MAF: variants seen among roughly 807,000 people sequenced by gnomAD.
MAF encodes MAF bZIP transcription factor.
MAF carries 10 observed loss-of-function variants against 22.0 expected under a neutral mutation model. That is an observed-to-expected ratio of 0.45 (90% CI 0.28 to 0.77). The LOEUF is 0.77. Ranked by LOEUF, MAF falls within the 30% of genes least tolerant of loss-of-function variation. The probability of loss-of-function intolerance (pLI) is 0.12; values close to 1 mark genes in which losing one functional copy is unlikely to be tolerated. For missense variants in MAF, 544 were observed against 548.4 expected, an observed-to-expected ratio of 0.99 and a Z score of 0.08; for synonymous variants, 337 against 255.8, an observed-to-expected ratio of 1.32 and a Z score of -3.03.
chr16:79,496,814 T>C, the MAF span, among the ~76,000 whole-genome samples: 4 of 152,188 alleles, frequency 2.6e-5, no homozygotes, highest in African/African-American at 9.7e-5. Context: ...TGCAAATTCA[T>C]CTCTATAACA....
the MAF span, among the ~76,000 whole-genome samples, chr16:79,291,156 C>T: frequency 1.3e-5 from 2 of 152,126 alleles, no homozygotes; most frequent in Non-Finnish European, 2.9e-5. Context: ...GAAATGGGGC[C>T]GTCGTCTGCT....
chr16:79,361,406 C>A, the MAF span, among the ~76,000 whole-genome samples: 5 of 152,196 alleles, frequency 3.3e-5, no homozygotes, highest in Non-Finnish European at 5.9e-5. Context: ...AATAATGTAT[C>A]ATTTCCTTAT....
At chr16:79,207,908 A>G in the MAF span, among the ~76,000 whole-genome samples, 3 of 152,202 alleles carry the variant, frequency 2.0e-5, no homozygotes, top group Admixed American at 1.3e-4. Context: ...CAGTTATCAA[A>G]TGAATGTTGA....
At chr16:79,442,724 T>A in the MAF span, among the ~76,000 whole-genome samples, 2 of 152,192 alleles carry the variant, frequency 1.3e-5, no homozygotes, top group Admixed American at 1.3e-4. Flanking sequence ...ATCTTTTTCA[T>A]ATAAGAAATT....
chr16:79,263,658 C>G, the MAF span, among the ~76,000 whole-genome samples: 1 of 152,186 alleles, frequency 6.6e-6, no homozygotes, highest in South Asian at 2.1e-4. Flanking sequence ...GGTTTTTAAA[C>G]CTGTCATTCT....
At chr16:79,265,426 C>T in the MAF span, among the ~76,000 whole-genome samples, 4 of 152,066 alleles carry the variant, frequency 2.6e-5, no homozygotes, top group East Asian at 1.9e-4. Context: ...GCCAGGGTCC[C>T]GAATAAGTGA....
the MAF span, among the ~76,000 whole-genome samples, chr16:79,222,426 C>A: frequency 6.6e-6 from 1 of 152,074 alleles, no homozygotes; most frequent in Non-Finnish European, 1.5e-5. Context: ...GAAACTGCAT[C>A]AACTAATGGG....
chr16:79,595,473 T>C, intron 1 of MAF: 1 of 1,058,898 alleles, frequency 9.4e-7, no homozygotes, highest in Non-Finnish European at 1.1e-6. Flanking sequence ...GGCTGTATTT[T>C]CAAAACAGTG....
chr16:79,426,083 G>GT, the MAF span, among the ~76,000 whole-genome samples: 3 of 152,138 alleles, frequency 2.0e-5, no homozygotes, highest in Non-Finnish European at 2.9e-5. Flanking sequence ...GCACATGCCT[G>GT]TAGTCCCAGC....
chr16:79,448,694 G>T, the MAF span, among the ~76,000 whole-genome samples: 1 of 151,772 alleles, frequency 6.6e-6, no homozygotes, highest in Non-Finnish European at 1.5e-5. Flanking sequence ...CAAAGTGCTG[G>T]GATTACAGGC....
chr16:79,410,023 C>G, the MAF span, among the ~76,000 whole-genome samples: 1 of 152,176 alleles, frequency 6.6e-6, no homozygotes, highest in Non-Finnish European at 1.5e-5. Flanking sequence ...AATAGGTACA[C>G]AAGATTGAAA....
the MAF span, among the ~76,000 whole-genome samples, chr16:79,225,116 T>C: frequency 6.6e-6 from 1 of 152,190 alleles, no homozygotes; most frequent in African/African-American, 2.4e-5. Flanking sequence ...CAAAGGATAC[T>C]ACAAGGCTAC....
chr16:79,585,738 T>C (rs564945445), downstream of MAF: 314 of 567,418 alleles, frequency 5.5e-4, 2 homozygotes, highest in African/African-American at 5.2e-3. Context: ...ATACTAAAAC[T>C]AATGAAACAG....
the MAF span, among the ~76,000 whole-genome samples, chr16:79,356,119 A>C: frequency 6.6e-6 from 1 of 151,698 alleles, no homozygotes; most frequent in African/African-American, 2.4e-5. Context: ...GCACGTACAC[A>C]CTCAATGCAC....
At chr16:79,397,348 G>A in the MAF span, among the ~76,000 whole-genome samples, 1 of 152,304 alleles carries the variant, frequency 6.6e-6, no homozygotes, top group Non-Finnish European at 1.5e-5. Flanking sequence ...TCTTTAAATA[G>A]TGCAGAGCAT....
chr16:79,512,045 C>A, the MAF span, among the ~76,000 whole-genome samples: 4 of 152,176 alleles, frequency 2.6e-5, no homozygotes, highest in African/African-American at 9.6e-5. Context: ...CTCCAATATT[C>A]CTTGTTATGG....
chr16:79,413,210 GTTTTTTTTTTTTTTTTTTTT>G, the MAF span, among the ~76,000 whole-genome samples: 950 of 63,622 alleles, frequency 0.015, 21 homozygotes, highest in African/African-American at 0.051. Flanking sequence ...GAGCTGTGCA[GTTTTTTTTTTTTTTTTTTTT>G]TTTTTTTTTT....
chr16:79,575,479 C>T, the MAF span, among the ~76,000 whole-genome samples: 1 of 152,204 alleles, frequency 6.6e-6, no homozygotes, highest in Non-Finnish European at 1.5e-5. Context: ...GAGATGAACA[C>T]CTGACCAAGA....
chr16:79,460,998 A>T, the MAF span, among the ~76,000 whole-genome samples: 1 of 152,152 alleles, frequency 6.6e-6, no homozygotes, highest in Non-Finnish European at 1.5e-5. Flanking sequence ...TGATGTACTT[A>T]TAGGCACATG....
Sources: allele counts gnomAD v4.1 joint callset (sites outside exome capture counted in the v4.1 genomes callset), GRCh38; gene constraint gnomAD v4.1.1; transcripts MANE v1.5; gene names NCBI Gene and HGNC (gene_info 2026-07-23, HGNC 2026-07-21).